MBP: variants seen among roughly 807,000 people sequenced by gnomAD.
MBP encodes the protein myelin basic protein.
Under a neutral mutation model 35.8 loss-of-function variants are expected in MBP, and 16 were observed. That is an observed-to-expected ratio of 0.45 (90% confidence interval 0.30 to 0.68). The LOEUF (loss-of-function observed/expected upper bound fraction) is 0.68, where lower values mean the gene tolerates loss of function less well. MBP is among the 30% of genes least tolerant of loss of function. The pLI, the probability that MBP is intolerant of heterozygous loss-of-function variation, is 0.08. For missense variants in MBP, 380 were observed against 404.7 expected (o/e 0.94, Z 0.52); for synonymous variants, 143 against 159.6 (o/e 0.90, Z 0.78).
Position 77,041,910 on chromosome 18 carries a change from C to T in MBP, c.139+24388G>A, listed in dbSNP as rs569354638. ...AACCTGCACGTTGTGCACATGTACC[C>T]TAAGACTTAAAGTATAATTAAAAAA... On this transcript the variant is annotated intron_variant, in intron 3 of 8. Coordinates refer to ENST00000355994, the MANE Select transcript of MBP (RefSeq NM_001025101.2). Among the ~76,000 whole-genome samples the T allele has an allele frequency of 2.2e-3, 329 of 148,284 alleles. 2 individuals carry two copies. The highest frequency in any genetic ancestry group is 7.7e-3 in the African/African-American group (306 of 39,710).
Position 77,025,946 on chromosome 18 carries a change from A to G in MBP, c.140-8678T>C, listed in dbSNP as rs534800344. Among the ~76,000 whole-genome samples the G allele has an allele frequency of 2.0e-5, 3 of 151,754 alleles. No homozygotes were observed. The East Asian group carries it at 5.8e-4, about 30-fold the overall frequency. On this transcript the variant is annotated intron_variant, in intron 3 of 8. Coordinates refer to ENST00000355994, the MANE Select transcript of MBP (RefSeq NM_001025101.2). ...CAGCGGGTTACTCCCTCTCCGAAAA[A>G]CCGTCCTTCTCCCCATGCCCTGCGG...
At chr18:77,010,103 T>C in intron 4 of MBP, 1 of 601,582 alleles carries the variant, frequency 1.7e-6, no homozygotes, top group Non-Finnish European at 3.0e-6. Flanking sequence ...GTGCAGATGA[T>C]GGATGATGGA....
intron 3 of MBP, among the ~76,000 whole-genome samples, chr18:77,045,179 A>C (rs1973184367): frequency 6.6e-6 from 1 of 152,194 alleles, no homozygotes; most frequent in Admixed American, 6.5e-5. Flanking sequence ...AGTGGTAAAC[A>C]GAGTAGCTGC....
At chr18:77,129,797 A>G (rs141922791) in intron 1 of MBP, among the ~76,000 whole-genome samples, 2,060 of 152,284 alleles carry the variant, frequency 0.014, 26 homozygotes, top group Middle Eastern at 0.031. Context: ...TGGGAGGCCG[A>G]GGTGGGTGGA....
chr18:77,050,520 A>G (rs7233072), intron 3 of MBP, among the ~76,000 whole-genome samples: 35,932 of 151,962 alleles, frequency 0.24, 4,353 homozygotes, highest in South Asian at 0.34. Flanking sequence ...TGTGCCTCGC[A>G]GGTACTACTG....
rs1032616005 is a variant in MBP, at chr18:76,979,103, A to C, written c.*1324T>G. ...ATTCAGAATTAGAATTGGATTAAGA[A>C]GACGCGTTTTGGCATCACGCTGACT... On this transcript the variant is annotated 3_prime_UTR_variant, in exon 9 of 9. Transcript: ENST00000355994. The C allele has an allele frequency of 3.3e-5, 5 of 152,178 alleles. No individual in the cohort carries two copies. The highest frequency in any genetic ancestry group is 7.3e-5 in the Non-Finnish European group (5 of 68,038). The allele number at this position is 152,178 out of a possible 1,614,324, so 9.4% of individuals were successfully genotyped here. A position where few individuals can be genotyped will look rare whatever the true frequency, so the allele number is the denominator to read the frequency against.
At chr18:77,035,505 T>C (rs2144582886) in intron 3 of MBP, among the ~76,000 whole-genome samples, 1 of 152,314 alleles carries the variant, frequency 6.6e-6, no homozygotes, top group East Asian at 1.9e-4. Context: ...GAATCAGCCT[T>C]TGGCTGAGGA....
Position 77,014,798 on chromosome 18 carries a change from GTTA to G in MBP, c.576+2031_576+2033del, listed in dbSNP as rs537611143. The G allele has an allele frequency of 2.2e-5, 22 of 985,234 alleles. No homozygotes were observed. The East Asian group carries it at 1.1e-3, about 51-fold the overall frequency. 61.0% of individuals were successfully genotyped at this position (985,234 alleles called of 1,614,324 possible). On this transcript the variant is annotated intron_variant, in intron 4 of 8. Coordinates refer to ENST00000355994, the MANE Select transcript of MBP (RefSeq NM_001025101.2). ...CTGCTCTGTGATCACACGTGCAAAT[GTTA>G]TTATTATTATTTTTTGCCTTTGGCA... is the stretch of plus-strand genomic sequence containing the variant.
At chr18:77,124,545 G>C (rs1283349042) in intron 1 of MBP, among the ~76,000 whole-genome samples, 1 of 152,102 alleles carries the variant, frequency 6.6e-6, no homozygotes, top group Non-Finnish European at 1.5e-5. Flanking sequence ...GGTTGGACGC[G>C]GGGCAGCTGG....
intron 3 of MBP, among the ~76,000 whole-genome samples, chr18:77,028,573 A>T (rs1348060516): frequency 2.3e-5 from 2 of 86,890 alleles, no homozygotes; most frequent in African/African-American, 6.4e-5. Context: ...GCGGCCGGGC[A>T]GAGGCGCCCC....
chr18:77,056,023 G>A (rs1234593085), intron 3 of MBP, among the ~76,000 whole-genome samples: 2 of 152,250 alleles, frequency 1.3e-5, no homozygotes, highest in Admixed American at 1.3e-4. Flanking sequence ...ACGGCTGAGC[G>A]TGCTGCGCTC....
At chr18:77,077,992 C>G (rs192941280) in intron 2 of MBP, among the ~76,000 whole-genome samples, 3 of 152,356 alleles carry the variant, frequency 2.0e-5, no homozygotes, top group African/African-American at 4.8e-5. Flanking sequence ...GCTGCACCCC[C>G]CTGCCCCGGC....
chr18:77,021,459 A>T (rs1971982069), intron 3 of MBP, among the ~76,000 whole-genome samples: 1 of 151,886 alleles, frequency 6.6e-6, no homozygotes, highest in Non-Finnish European at 1.5e-5. Flanking sequence ...GCTGTAGATA[A>T]AACAATGCCT....
intron 1 of MBP, among the ~76,000 whole-genome samples, chr18:77,122,684 A>G (rs1490322703): frequency 6.6e-6 from 1 of 152,062 alleles, no homozygotes; most frequent in Non-Finnish European, 1.5e-5. Flanking sequence ...CTGGGATTAC[A>G]GGCGCCCACC....
chr18:77,097,135 G>A (rs1489446703), intron 2 of MBP: 1 of 152,480 alleles, frequency 6.6e-6, no homozygotes, highest in Admixed American at 6.5e-5. Context: ...GGCAACACAA[G>A]TGAGCCCCCC....
intron 1 of MBP, among the ~76,000 whole-genome samples, chr18:77,107,397 CT>C (rs1976313411): frequency 6.6e-6 from 1 of 152,204 alleles, no homozygotes; most frequent in Non-Finnish European, 1.5e-5. Flanking sequence ...TTCCTGTTCC[CT>C]GGCTCTATCC....
chr18:77,093,370 C>T (rs371330923), intron 2 of MBP: 3 of 152,384 alleles, frequency 2.0e-5, no homozygotes, highest in African/African-American at 7.2e-5. Flanking sequence ...TGTGGAGGCC[C>T]TGTGGGTTTA....
At chr18:76,991,097 C>G (rs1387499973) in intron 4 of MBP, among the ~76,000 whole-genome samples, 1 of 152,192 alleles carries the variant, frequency 6.6e-6, no homozygotes, top group Non-Finnish European at 1.5e-5. Context: ...ATGAGGCAGG[C>G]AGCTCATGGG....
intron 3 of MBP, among the ~76,000 whole-genome samples, chr18:77,055,603 T>TCTCTC (rs1568316062): frequency 1.5e-5 from 2 of 136,614 alleles, no homozygotes; most frequent in South Asian, 2.4e-4. Flanking sequence ...CTCTCTCTCT[T>TCTCTC]TCTTTCTCTT....
Sources: allele counts gnomAD v4.1 joint callset (sites outside exome capture counted in the v4.1 genomes callset), GRCh38; gene constraint gnomAD v4.1.1; transcripts MANE v1.5; gene names NCBI Gene and HGNC (gene_info 2026-07-23, HGNC 2026-07-21).